The following DIP2C variants were observed in gnomAD, a reference collection of about 807,000 sequenced individuals.
DIP2C encodes disco-interacting protein 2 homolog C.
Under a neutral mutation model 192.4 loss-of-function variants are expected in DIP2C, and 33 were observed. The observed-to-expected ratio is 0.17, with a 90% CI of 0.13 to 0.23. The LOEUF is 0.23. DIP2C is among the 10% of genes least tolerant of loss of function. The probability of loss-of-function intolerance (pLI) is 1.00; values close to 1 mark genes in which losing one functional copy is unlikely to be tolerated. For missense variants in DIP2C, 1,537 were observed against 2,110.1 expected (o/e 0.73, Z 5.32); for synonymous variants, 979 against 864.1 (o/e 1.13, Z -2.33).
intron 4 of DIP2C, among the ~76,000 whole-genome samples, chr10:432,943 TC>T (rs1966887470): frequency 6.6e-6 from 1 of 152,082 alleles, no homozygotes; most frequent in South Asian, 2.1e-4. Context: ...TTTCCAGTCA[TC>T]TATTATTTAT....
chr10:365,719 C>T (rs367553418), intron 19 of DIP2C, among the ~76,000 whole-genome samples: 13 of 152,362 alleles, frequency 8.5e-5, no homozygotes, highest in African/African-American at 2.2e-4. Context: ...CATCTGTGCA[C>T]ACGCCCCATG....
Position 284,690 on chromosome 10 carries a change from A to C in DIP2C, c.4120-1244T>G, listed in dbSNP as rs534024765. On this transcript the variant is annotated intron_variant, in intron 34 of 36. Transcript: ENST00000280886. ...TGTAGTGCGGTGACTACAGTTAATA[A>C]TACTATATCACTTAATTGAAATTTG... is the stretch of plus-strand genomic sequence containing the variant. Among the ~76,000 whole-genome samples the C allele has an allele frequency of 3.3e-5, 5 of 152,342 alleles. No homozygotes were observed. The East Asian group carries it at 7.7e-4, about 23-fold the overall frequency.
At chr10:562,126 C>T (rs374100030) in intron 1 of DIP2C, among the ~76,000 whole-genome samples, 9 of 152,300 alleles carry the variant, frequency 5.9e-5, no homozygotes, top group African/African-American at 1.9e-4. Flanking sequence ...TTTTGTTTTG[C>T]CTTCTCAAGG....
rs1831462716 is a variant in DIP2C, at chr10:689,410, GC to G, written c.85+83del. 1.2e-6 allele frequency: 1 copy of G among 820,152 alleles called. No individual in the cohort carries two copies. The highest frequency in any genetic ancestry group is 1.5e-6 in the Non-Finnish European group (1 of 677,974). The allele number at this position is 820,152 out of a possible 1,614,324, so 50.8% of individuals were successfully genotyped here. Reference sequence around the variant, plus strand: ...CCCCTCCGGGCCCGGCCCCCGCCCCGCCGCAGGCCCCGCGCCCCCAGCCCTC... The same window carrying G: ...CCCCTCCGGGCCCGGCCCCCGCCCCGCGCAGGCCCCGCGCCCCCAGCCCTC... On this transcript the variant is annotated intron_variant, in intron 1 of 36. Transcript: ENST00000280886. This position sits in a 1 kb window ranked among gnomAD's most constrained non-coding sequence, Gnocchi z 6.1.
chr10:442,521 A>T (rs180871173), intron 3 of DIP2C, among the ~76,000 whole-genome samples: 1 of 152,266 alleles, frequency 6.6e-6, no homozygotes, highest in African/African-American at 2.4e-5. Context: ...TTTGTTTTGC[A>T]TATTCTCCAT....
At chr10:676,279 A>C (rs1430293027) in intron 1 of DIP2C, among the ~76,000 whole-genome samples, 1 of 152,238 alleles carries the variant, frequency 6.6e-6, no homozygotes, top group Non-Finnish European at 1.5e-5. Context: ...AATAAAGGCC[A>C]TATGTGACAA....
At chr10:382,868 C>G in intron 16 of DIP2C, 107 bp from the exon 17 acceptor site, 1 of 655,978 alleles carries the variant, frequency 1.5e-6, no homozygotes, top group East Asian at 2.9e-5. Flanking sequence ...ACAAGTGGAT[C>G]TAGGCAGCGT....
chr10:459,920 T>C (rs1242276847), intron 3 of DIP2C, among the ~76,000 whole-genome samples: 1 of 137,148 alleles, frequency 7.3e-6, no homozygotes, highest in Non-Finnish European at 1.5e-5. Context: ...CCCAGTCACA[T>C]CAGGGAACCA....
intron 9 of DIP2C, among the ~76,000 whole-genome samples, chr10:407,339 G>C (rs149108766): frequency 6.6e-6 from 1 of 152,154 alleles, no homozygotes; most frequent in Admixed American, 6.5e-5. Flanking sequence ...CATCTAGTCC[G>C]TGGATTTGGG....
intron 32 of DIP2C, among the ~76,000 whole-genome samples, chr10:297,237 C>CACAT (rs1236350047): frequency 1.6e-5 from 1 of 63,450 alleles, no homozygotes; most frequent in Non-Finnish European, 2.9e-5. Context: ...CCCACCCCAC[C>CACAT]ACATACACAC....
intron 3 of DIP2C, among the ~76,000 whole-genome samples, chr10:466,202 T>C (rs560011050): frequency 1.3e-5 from 2 of 151,976 alleles, no homozygotes; most frequent in South Asian, 2.1e-4. Context: ...TATAGATCAA[T>C]GGAACAGAAC....
At chr10:391,571 C>A (rs577153463) in intron 10 of DIP2C, among the ~76,000 whole-genome samples, 2 of 152,354 alleles carry the variant, frequency 1.3e-5, no homozygotes, top group African/African-American at 4.8e-5. Flanking sequence ...GGTGGGCGAG[C>A]AGCCAAGGCA....
At chr10:598,327 T>G (rs1851840668) in intron 1 of DIP2C, among the ~76,000 whole-genome samples, 1 of 152,094 alleles carries the variant, frequency 6.6e-6, no homozygotes, top group South Asian at 2.1e-4. Context: ...CGATCACATT[T>G]CCCATCGCAC....
intron 3 of DIP2C, among the ~76,000 whole-genome samples, chr10:458,091 G>A (rs942412661): frequency 2.6e-5 from 4 of 152,128 alleles, no homozygotes; most frequent in African/African-American, 9.7e-5. Context: ...AATGTAAAAG[G>A]CCCCACAAGG....
rs754014689 is a variant in DIP2C at position 277,432 on chromosome 10, T to C, written c.4564A>G (p.Ile1522Val). The part of the protein sequence containing the change: ...LIVGVVVVVD[I>V]GVIPINSRGE... ...CGGGAGTTGATGGGGATGACGCCGA[T>C]GTCCACCACGACCACCACTCCGACG... Residue 1522 changes from isoleucine to valine, a missense_variant, in exon 37 of 37, where the codon ATC becomes GTC. By Grantham distance (29) the Ile-to-Val change is conservative. Around this residue, in one of 4 missense-constraint regions of DIP2C, gnomAD observed 341 missense variants for 551.7 expected, o/e 0.62. Transcript: ENST00000280886. 4.3e-6 allele frequency: 7 copies of C among 1,614,020 alleles called. No homozygotes were observed. The highest frequency in any genetic ancestry group is 1.3e-5 in the African/African-American group (1 of 74,892).
intron 3 of DIP2C, among the ~76,000 whole-genome samples, chr10:460,327 A>C (rs1969673140): frequency 6.6e-6 from 1 of 152,226 alleles, no homozygotes; most frequent in Admixed American, 6.5e-5. Flanking sequence ...AATCGACTCC[A>C]ATACATTCTA....
intron 31 of DIP2C, among the ~76,000 whole-genome samples, chr10:320,363 C>T (rs1325104089): frequency 6.6e-6 from 1 of 151,844 alleles, no homozygotes; most frequent in Non-Finnish European, 1.5e-5. Flanking sequence ...CAAAAATTAG[C>T]TCGGCGAGGT....
intron 1 of DIP2C, among the ~76,000 whole-genome samples, chr10:678,677 A>ACGCCCATGCTCCCCG (rs1554772861): frequency 2.0e-3 from 13 of 6,582 alleles, no homozygotes; most frequent in Non-Finnish European, 2.5e-3. Flanking sequence ...CCAGCTCCCC[A>ACGCCCATGCTCCCCG]CGCCCATGCT....
intron 1 of DIP2C, chr10:650,520 G>C: frequency 1.5e-6 from 1 of 684,090 alleles, no homozygotes; most frequent in Admixed American, 2.1e-5. Context: ...CCCTGCCCCA[G>C]CTGGTCCCCC....
Sources: gnomAD v4.1 joint callset for allele counts (sites outside exome capture counted in the v4.1 genomes callset) on GRCh38, gnomAD v4.1.1 for gene constraint, gnomAD v4.1.1 regional missense constraint, Gnocchi (gnomAD v3.1) non-coding constraint, MANE v1.5 for transcripts, NCBI Gene and HGNC (gene_info 2026-07-23, HGNC 2026-07-21) for gene names.